RBFOX1: variants seen among roughly 807,000 people sequenced by gnomAD.
RBFOX1 encodes the protein RNA binding protein fox-1 homolog 1.
Under a neutral mutation model 57.7 loss-of-function variants are expected in RBFOX1, and 8 were observed. The observed-to-expected ratio is 0.14, with a 90% CI of 0.08 to 0.25. The LOEUF (loss-of-function observed/expected upper bound fraction) is 0.25, where lower values mean the gene tolerates loss of function less well. Among genes scored for constraint, RBFOX1 ranks in the 10% least tolerant of loss-of-function variants. The pLI, the probability that RBFOX1 is intolerant of heterozygous loss-of-function variation, is 1.00. For missense variants in RBFOX1, 611 were observed against 548.5 expected (o/e 1.11, Z -1.14); for synonymous variants, 326 against 222.4 (o/e 1.47, Z -4.15).
At chr16:7,121,660 A>G (rs903782135) in intron 4 of RBFOX1, among the ~76,000 whole-genome samples, 11 of 152,054 alleles carry the variant, frequency 7.2e-5, no homozygotes, top group Admixed American at 7.2e-4. Context: ...ATACAAATCA[A>G]AATTCTAGCA....
At chr16:7,151,738 T>G (rs2076151884) in intron 4 of RBFOX1, among the ~76,000 whole-genome samples, 1 of 152,140 alleles carries the variant, frequency 6.6e-6, no homozygotes, top group Admixed American at 6.5e-5. Flanking sequence ...TGACCTTGTT[T>G]TCCTGCAACT....
intron 1 of RBFOX1, among the ~76,000 whole-genome samples, chr16:5,441,956 G>A (rs1377410756): frequency 3.3e-5 from 5 of 152,150 alleles, no homozygotes; most frequent in Admixed American, 2.6e-4. Context: ...GATGAGATTT[G>A]TGTGGGGACA....
intron 4 of RBFOX1, among the ~76,000 whole-genome samples, chr16:7,473,595 C>T (rs1351162446): frequency 6.6e-6 from 1 of 151,406 alleles, no homozygotes; most frequent in South Asian, 2.1e-4. Context: ...TTACCTGCTA[C>T]CCATATTATG....
chr16:5,616,734 C>T (rs989642190), intron 3 of RBFOX1, among the ~76,000 whole-genome samples: 5 of 146,498 alleles, frequency 3.4e-5, no homozygotes, highest in African/African-American at 1.3e-4. Context: ...TCCCTCTCCT[C>T]CTCCTGTCCC....
chr16:6,802,950 G>C (rs1278110352), intron 3 of RBFOX1, among the ~76,000 whole-genome samples: 2 of 152,134 alleles, frequency 1.3e-5, no homozygotes, highest in Non-Finnish European at 2.9e-5. Context: ...AGGGAAGATG[G>C]CTTCTTCCAC....
intron 1 of RBFOX1, among the ~76,000 whole-genome samples, chr16:6,277,711 A>G (rs111270914): frequency 1.0e-4 from 15 of 150,258 alleles, no homozygotes; most frequent in African/African-American, 3.4e-4. Flanking sequence ...ATCCGTGCTG[A>G]CTCCTTGGAT....
At position 6,799,813 on chromosome 16, in the gene RBFOX1, G is replaced by A. The variant is rs565535110; in HGVS notation, c.-16+145163G>A. Among the ~76,000 whole-genome samples the A allele has an allele frequency of 2.0e-5, 3 of 152,150 alleles. No homozygotes were observed. The East Asian group carries it at 5.8e-4, about 30-fold the overall frequency. On this transcript the variant is annotated intron_variant, in intron 3 of 15. Coordinates refer to ENST00000550418, the MANE Select transcript of RBFOX1 (RefSeq NM_018723.4). ...ACCAGTGGTTTGCTAGAGGCTCTTG[G>A]GACTTTAGCCACAGACTGAAGGCTG...
intron 3 of RBFOX1, among the ~76,000 whole-genome samples, chr16:6,955,271 C>G (rs973193860): frequency 4.0e-5 from 6 of 151,824 alleles, no homozygotes; most frequent in African/African-American, 1.5e-4. Context: ...GAAATTTAAT[C>G]TAGAACTCCC....
intron 3 of RBFOX1, among the ~76,000 whole-genome samples, chr16:6,754,973 G>C (rs372045232): frequency 4.6e-5 from 7 of 151,864 alleles, no homozygotes; most frequent in South Asian, 2.1e-4. Context: ...TTTGTTCTTG[G>C]GATAGTTTAC....
At position 5,590,046 on chromosome 16, in the gene RBFOX1, T is replaced by TACACAC. The variant is rs148421648; in HGVS notation, c.259-8830_259-8825dup. ...TAGCGTTTCAGAGGAGTCTGCGTGT[T>TACACAC]ACACACACACACACACACACACACA... On this transcript the variant is annotated intron_variant, in intron 2 of 2. Coordinates refer to the RBFOX1 transcript ENST00000585867. 5.1e-3 allele frequency among the ~76,000 whole-genome samples: 730 copies of TACACAC among 142,970 alleles called. 5 individuals carry two copies. The highest frequency in any genetic ancestry group is 0.035 in the East Asian group (162 of 4,662). The allele number at this position is 142,970 out of a possible 152,430, so 93.8% of individuals were successfully genotyped here.
chr16:7,567,539 CTATATGTATATCCCTATATATGGCCCTA>C (rs2092129708), intron 5 of RBFOX1, among the ~76,000 whole-genome samples: 1 of 71,694 alleles, frequency 1.4e-5, no homozygotes, highest in Non-Finnish European at 3.5e-5. Flanking sequence ...ATGTATGGCC[CTATATGTATATCCCTATATATGGCCCTA>C]TATATATATA....
At chr16:7,627,159 G>A (rs1309909192) in intron 10 of RBFOX1, among the ~76,000 whole-genome samples, 3 of 121,596 alleles carry the variant, frequency 2.5e-5, no homozygotes, top group Admixed American at 8.2e-5. Context: ...TGAACCACAT[G>A]AACTTGGCAA....
At chr16:5,773,404 T>C (rs1053235031) in intron 3 of RBFOX1, among the ~76,000 whole-genome samples, 1 of 152,236 alleles carries the variant, frequency 6.6e-6, no homozygotes, top group Non-Finnish European at 1.5e-5. Context: ...TTTACATAAA[T>C]GAGATCATAG....
In RBFOX1 at chr16:6,990,241, T is replaced by C. The variant is rs568032099; in HGVS notation, c.-15-61816T>C. 7.2e-5 allele frequency among the ~76,000 whole-genome samples: 11 copies of C among 152,134 alleles called. No individual in the cohort carries two copies. In the South Asian group the frequency reaches 2.1e-3, roughly 29 times the overall value. ...CTTCGCATTTTAAAAATTCTGATAG[T>C]GGCCAGATAGCGGTAGCTCACGGCT... On this transcript the variant is annotated intron_variant, in intron 3 of 15. Transcript: ENST00000550418.
chr16:5,668,401 A>G (rs2049915535), intron 3 of RBFOX1, among the ~76,000 whole-genome samples: 1 of 152,182 alleles, frequency 6.6e-6, no homozygotes, highest in Non-Finnish European at 1.5e-5. Flanking sequence ...CTTAACACAG[A>G]GCTTTAGAAA....
intron 2 of RBFOX1, among the ~76,000 whole-genome samples, chr16:6,636,974 TTATGTA>T (rs2098441956): frequency 7.8e-6 from 1 of 127,738 alleles, no homozygotes; most frequent in African/African-American, 3.1e-5. Context: ...TTATGTATAT[TTATGTA>T]TATGTATCAT....
intron 2 of RBFOX1, among the ~76,000 whole-genome samples, chr16:5,563,442 T>C (rs1051495800): frequency 2.6e-5 from 4 of 152,196 alleles, no homozygotes. Flanking sequence ...GAAATAATAG[T>C]TTTCTGGAAT....
At chr16:7,228,830 C>G (rs918698120) in intron 4 of RBFOX1, among the ~76,000 whole-genome samples, 13 of 152,208 alleles carry the variant, frequency 8.5e-5, no homozygotes, top group Non-Finnish European at 1.6e-4. Context: ...TCGGTTCTAA[C>G]TTCACGTTCA....
intron 3 of RBFOX1, among the ~76,000 whole-genome samples, chr16:5,816,473 A>G (rs1465810810): frequency 6.6e-6 from 1 of 152,158 alleles, no homozygotes; most frequent in Non-Finnish European, 1.5e-5. Flanking sequence ...CTCTCATGAA[A>G]CTAGACCTTG....
Sources: gnomAD v4.1 joint callset for allele counts (sites outside exome capture counted in the v4.1 genomes callset) on GRCh38, gnomAD v4.1.1 for gene constraint, MANE v1.5 for transcripts, NCBI Gene and HGNC (gene_info 2026-07-23, HGNC 2026-07-21) for gene names.